NAV2: variants seen among roughly 807,000 people sequenced by gnomAD.
The protein encoded by NAV2 is neuron navigator 2, also known as helicase, APC down-regulated 1.
A neutral mutation model predicts 223.2 loss-of-function variants in NAV2; 54 were observed. The ratio of observed to expected loss-of-function variants is 0.24; its 90% CI spans 0.19 to 0.30. NAV2 has a LOEUF of 0.30. Ranked by LOEUF, NAV2 falls within the 10% of genes least tolerant of loss-of-function variation. NAV2 has a pLI of 1.00. For missense variants in NAV2, 2,806 were observed against 3,147.5 expected (o/e 0.89, Z 2.60); for synonymous variants, 1,279 against 1,239.3 (o/e 1.03, Z -0.67).
chr11:19,349,919 G>A (rs1033578700), upstream of NAV2, among the ~76,000 whole-genome samples: 8 of 152,102 alleles, frequency 5.3e-5, no homozygotes, highest in South Asian at 8.3e-4. Flanking sequence ...GTTGCTTTTC[G>A]GCCCTGAGAC....
At chr11:19,813,818 G>A (rs1400610585) in intron 1 of NAV2, among the ~76,000 whole-genome samples, 4 of 152,278 alleles carry the variant, frequency 2.6e-5, no homozygotes, top group African/African-American at 4.8e-5. Context: ...GTTCCCGCTC[G>A]GGGTCAAAGT....
At chr11:19,901,129 T>A (rs930760835) in intron 6 of NAV2, among the ~76,000 whole-genome samples, 1 of 152,216 alleles carries the variant, frequency 6.6e-6, no homozygotes, top group Non-Finnish European at 1.5e-5. Flanking sequence ...CATTACAAAC[T>A]GAGTCCTTCT....
At chr11:20,059,685 G>T (rs767426055) in intron 19 of NAV2, among the ~76,000 whole-genome samples, 1 of 152,196 alleles carries the variant, frequency 6.6e-6, no homozygotes, top group Non-Finnish European at 1.5e-5. Flanking sequence ...TTCTTGAATT[G>T]CTGTGTGACC....
intron 1 of NAV2, among the ~76,000 whole-genome samples, chr11:19,472,603 C>CA (rs916545396): frequency 7.9e-5 from 12 of 152,164 alleles, no homozygotes; most frequent in African/African-American, 2.9e-4. Context: ...CTTGTGTAGT[C>CA]AGAGTTAGAT....
At chr11:19,614,746 GTT>G (rs1334710773) in intron 1 of NAV2, among the ~76,000 whole-genome samples, 2 of 152,136 alleles carry the variant, frequency 1.3e-5, no homozygotes, top group Non-Finnish European at 2.9e-5. Flanking sequence ...TGTAGCTGTG[GTT>G]TTCCTGTTCT....
chr11:19,818,392 C>G (rs901612727), intron 1 of NAV2, among the ~76,000 whole-genome samples: 2 of 151,912 alleles, frequency 1.3e-5, no homozygotes, highest in Non-Finnish European at 2.9e-5. Context: ...AATTTACCCA[C>G]TCTGAGCTGG....
chr11:19,778,070 G>A (rs148811538), intron 1 of NAV2: 1 of 430,618 alleles, frequency 2.3e-6, no homozygotes, highest in Non-Finnish European at 4.7e-6. Context: ...CAGGGTGCAG[G>A]TACTTTTTCC....
intron 4 of NAV2, 64 bp downstream of exon 4, chr11:19,869,061 T>A: frequency 6.9e-7 from 1 of 1,447,038 alleles, no homozygotes; most frequent in African/African-American, 1.4e-5. Context: ...CTGTTACTTA[T>A]GAATGATATT....
chr11:19,952,020 T>C (rs2047438040), intron 10 of NAV2, among the ~76,000 whole-genome samples: 1 of 152,202 alleles, frequency 6.6e-6, no homozygotes, highest in African/African-American at 2.4e-5. Context: ...AGAACACTTG[T>C]TAAGCATGTA....
At chr11:20,071,106 G>GCCCCCCCCCCC (rs35206561) in intron 22 of NAV2, among the ~76,000 whole-genome samples, 3 of 128,372 alleles carry the variant, frequency 2.3e-5, no homozygotes, top group African/African-American at 3.1e-5. Flanking sequence ...CCCTCCCCTA[G>GCCCCCCCCCCC]CCCCCCACCC....
intron 1 of NAV2, among the ~76,000 whole-genome samples, chr11:19,475,750 C>T (rs979460916): frequency 6.6e-6 from 1 of 152,062 alleles, no homozygotes; most frequent in Non-Finnish European, 1.5e-5. Context: ...TGAGGACGTG[C>T]AGATAAAAGT....
chr11:20,101,196 C>G, intron 32 of NAV2, 24 bp downstream of exon 32: 1 of 1,587,204 alleles, frequency 6.3e-7, no homozygotes, highest in Non-Finnish European at 8.6e-7. Context: ...TCTGAGTCTG[C>G]TGTATTTTTT....
chr11:19,969,321 G>C (rs1183227869), intron 10 of NAV2, among the ~76,000 whole-genome samples: 1 of 152,120 alleles, frequency 6.6e-6, no homozygotes, highest in Non-Finnish European at 1.5e-5. Context: ...GAGCCATGCT[G>C]TCCCTTAAAT....
chr11:19,775,917 G>T (rs1247804437), intron 1 of NAV2, among the ~76,000 whole-genome samples: 4 of 152,204 alleles, frequency 2.6e-5, no homozygotes, highest in Non-Finnish European at 5.9e-5. Flanking sequence ...ATAGAAGAGA[G>T]CTGGGATTTT....
In NAV2 at chr11:19,867,371, T is replaced by C. The variant is rs531619084; in HGVS notation, c.439-1554T>C. Among the ~76,000 whole-genome samples the C allele has an allele frequency of 2.2e-4, 33 of 152,340 alleles. No homozygotes were observed. In the South Asian group the frequency reaches 6.8e-3, roughly 32 times the overall value. On this transcript the variant is annotated intron_variant, in intron 3 of 37. Coordinates refer to ENST00000349880, the MANE Select transcript of NAV2 (RefSeq NM_145117.5). The stretch of plus-strand genomic sequence containing the variant: ...GCTCTGCCATTGACATTGACCTGTG[T>C]AATCTTGGTCAGAAATCTGACCTCC...
chr11:20,066,552 G>A (rs1280183550), intron 20 of NAV2, among the ~76,000 whole-genome samples: 1 of 152,202 alleles, frequency 6.6e-6, no homozygotes, highest in East Asian at 1.9e-4. Flanking sequence ...AGCCAACCTA[G>A]AGGAGGGGAC....
At chr11:19,409,394 C>T (rs1290047453) in intron 1 of NAV2, among the ~76,000 whole-genome samples, 1 of 152,156 alleles carries the variant, frequency 6.6e-6, no homozygotes, top group African/African-American at 2.4e-5. Flanking sequence ...CTCATCACTC[C>T]CAGTCACTCT....
intron 11 of NAV2, chr11:20,027,197 G>A (rs1401450936): frequency 1.1e-6 from 1 of 889,940 alleles, no homozygotes; most frequent in Non-Finnish European, 1.3e-6. Flanking sequence ...TACCTGTTTG[G>A]TGGGAAATGT....
chr11:19,402,568 G>T (rs1226310270), intron 1 of NAV2, among the ~76,000 whole-genome samples: 2 of 151,898 alleles, frequency 1.3e-5, no homozygotes, highest in African/African-American at 4.8e-5. Context: ...TCATTTATTT[G>T]TTTGCTTATT....
Sources: gnomAD v4.1 joint callset for allele counts (sites outside exome capture counted in the v4.1 genomes callset) on GRCh38, gnomAD v4.1.1 for gene constraint, MANE v1.5 for transcripts, NCBI Gene and HGNC (gene_info 2026-07-23, HGNC 2026-07-21) for gene names.